The following COBL variants were observed in gnomAD, a reference collection of about 807,000 sequenced individuals.
COBL encodes cordon-bleu WH2 repeat protein, also known as protein cordon-bleu.
COBL carries 51 observed loss-of-function variants against 98.8 expected under a neutral mutation model. The observed-to-expected ratio is 0.52, with a 90% confidence interval of 0.41 to 0.65. The LOEUF is 0.65. COBL is among the 30% of genes least tolerant of loss of function. COBL has a pLI of 0.00. For synonymous variants in COBL, 634 were observed against 651.7 expected, an observed-to-expected ratio of 0.97 and a Z score of 0.41; for missense variants, 1,617 against 1,617.5, an observed-to-expected ratio of 1.00 and a Z score of 0.01.
At chr7:51,293,414 A>G (rs1249090153) in intron 1 of COBL, among the ~76,000 whole-genome samples, 1 of 152,364 alleles carries the variant, frequency 6.6e-6, no homozygotes, top group Non-Finnish European at 1.5e-5. Context: ...CTGTTCATCA[A>G]TAAAGAGGGA....
intron 12 of COBL, among the ~76,000 whole-genome samples, chr7:51,021,820 C>T (rs1786967389): frequency 6.6e-6 from 1 of 152,118 alleles, no homozygotes; most frequent in Admixed American, 6.5e-5. Context: ...AATTCATTTC[C>T]CAAATCGCAA....
chr7:51,163,648 A>C (rs1787029391), intron 5 of COBL, among the ~76,000 whole-genome samples: 1 of 152,246 alleles, frequency 6.6e-6, no homozygotes, highest in South Asian at 2.1e-4. Flanking sequence ...CATATCAATA[A>C]TATAACAAAC....
chr7:51,287,805 T>A (rs954799462), intron 1 of COBL, among the ~76,000 whole-genome samples: 8 of 151,514 alleles, frequency 5.3e-5, no homozygotes, highest in African/African-American at 1.9e-4. Flanking sequence ...CTCTGCATAA[T>A]AACTGGGCTA....
rs116263218 is a variant in COBL at position 51,061,242 on chromosome 7, G to A, written c.1097-17550C>T. 5.2e-4 allele frequency among the ~76,000 whole-genome samples: 79 copies of A among 152,284 alleles called. 1 individual carries two copies. Among genetic ancestry groups the A allele is most frequent in the African/African-American group, 1.8e-3 (73 of 41,556 alleles). ...GTTAAGAATATGTTTGTGTGTGTGT[G>A]TGTGTATATATGTATATATACATAT... On this transcript the variant is annotated intron_variant, in intron 7 of 12. Coordinates refer to ENST00000265136, the MANE Select transcript of COBL (RefSeq NM_015198.5).
intron 6 of COBL, among the ~76,000 whole-genome samples, chr7:51,133,377 A>C (rs1055766375): frequency 6.6e-5 from 10 of 152,216 alleles, no homozygotes; most frequent in Admixed American, 3.9e-4. Context: ...CTACTGAAGA[A>C]TCTCTTAGCA....
At chr7:51,124,681 T>G (rs957987054) in intron 6 of COBL, among the ~76,000 whole-genome samples, 1 of 152,212 alleles carries the variant, frequency 6.6e-6, no homozygotes, top group Non-Finnish European at 1.5e-5. Flanking sequence ...GTGCTCCAAT[T>G]CAGTGCTGAG....
intron 5 of COBL, among the ~76,000 whole-genome samples, chr7:51,149,526 G>A (rs1371900967): frequency 6.6e-6 from 1 of 152,192 alleles, no homozygotes; most frequent in East Asian, 1.9e-4. Context: ...TGCTTTTAGA[G>A]TGTTTGGTGA....
chr7:51,038,693 A>C (rs2269867), intron 8 of COBL, among the ~76,000 whole-genome samples: 58,897 of 152,012 alleles, frequency 0.39, 14,340 homozygotes, highest in African/African-American at 0.68. Context: ...AAACTATGAG[A>C]AATCCTCATT....
intron 2 of COBL, among the ~76,000 whole-genome samples, chr7:51,196,821 G>C (rs1584134440): frequency 1.3e-5 from 2 of 152,000 alleles, no homozygotes; most frequent in South Asian, 4.1e-4. Context: ...GCATAGAAGT[G>C]TTCATAATAT....
chr7:51,301,223 A>G (rs1429979387), intron 1 of COBL, among the ~76,000 whole-genome samples: 1 of 152,044 alleles, frequency 6.6e-6, no homozygotes, highest in Non-Finnish European at 1.5e-5. Context: ...CTGAGACTGG[A>G]GCCTCTGGAG....
chr7:51,226,730 G>A (rs910026684), intron 1 of COBL, among the ~76,000 whole-genome samples: 5 of 152,150 alleles, frequency 3.3e-5, no homozygotes, highest in Non-Finnish European at 7.3e-5. Flanking sequence ...AGAGGGGAAT[G>A]AGGAATCCTC....
intron 8 of COBL, among the ~76,000 whole-genome samples, chr7:51,042,120 A>G (rs1789259120): frequency 6.6e-6 from 1 of 152,202 alleles, no homozygotes. Flanking sequence ...GCAGTTTTAC[A>G]AGAAATTCAG....
chr7:51,314,658 GTATT>G (rs1267004129), intron 1 of COBL, among the ~76,000 whole-genome samples: 2 of 152,166 alleles, frequency 1.3e-5, no homozygotes, highest in African/African-American at 4.8e-5. Context: ...TTCACTGAAA[GTATT>G]AACAAATGAC....
At chr7:51,199,778 G>C (rs1359363932) in intron 2 of COBL, among the ~76,000 whole-genome samples, 1 of 139,288 alleles carries the variant, frequency 7.2e-6, no homozygotes, top group African/African-American at 2.7e-5. Flanking sequence ...TAACCAGTTA[G>C]AAGAAAAAAA....
intron 2 of COBL, among the ~76,000 whole-genome samples, chr7:51,212,196 T>C (rs906408087): frequency 1.3e-5 from 2 of 152,228 alleles, no homozygotes; most frequent in African/African-American, 4.8e-5. Context: ...TCTTTAAAAA[T>C]AATATTTTCC....
intron 7 of COBL, among the ~76,000 whole-genome samples, chr7:51,051,239 G>A (rs979883827): frequency 6.6e-6 from 1 of 152,138 alleles, no homozygotes; most frequent in South Asian, 2.1e-4. Context: ...TAGATGAGAA[G>A]GCATATGTTC....
At chr7:51,226,306 T>C (rs913530917) in intron 1 of COBL, among the ~76,000 whole-genome samples, 5 of 151,854 alleles carry the variant, frequency 3.3e-5, no homozygotes, top group Non-Finnish European at 5.9e-5. Flanking sequence ...CAGAAGGGAG[T>C]TGCCATTCTC....
chr7:51,165,496 T>C (rs537082645), intron 5 of COBL, among the ~76,000 whole-genome samples: 12 of 152,014 alleles, frequency 7.9e-5, no homozygotes, highest in African/African-American at 2.6e-4. Context: ...AAGAGAGAGA[T>C]AGGACCCAAT....
chr7:51,070,061 G>A (rs759003878), intron 7 of COBL, among the ~76,000 whole-genome samples: 1 of 152,022 alleles, frequency 6.6e-6, no homozygotes, highest in Non-Finnish European at 1.5e-5. Context: ...TAATAAGAAG[G>A]AAAAAGAAGG....
Sources: gnomAD v4.1 joint callset for allele counts (sites outside exome capture counted in the v4.1 genomes callset) on GRCh38, gnomAD v4.1.1 for gene constraint, MANE v1.5 for transcripts, NCBI Gene and HGNC (gene_info 2026-07-23, HGNC 2026-07-21) for gene names.